Variants in GLIS1 observed in about 807,000 individuals in gnomAD.
GLIS1 encodes the protein zinc finger protein GLIS1.
GLIS1 carries 24 observed loss-of-function variants against 63.8 expected under a neutral mutation model. The observed-to-expected ratio is 0.38, with a 90% CI of 0.27 to 0.53. The LOEUF is 0.53. Ranked by LOEUF, GLIS1 falls within the 20% of genes least tolerant of loss-of-function variation. The pLI is 0.85. For synonymous variants in GLIS1, 450 were observed against 482.5 expected (o/e 0.93, Z 0.88); for missense variants, 1,036 against 1,074.1 (o/e 0.96, Z 0.50).
rs1180773941 is a variant in GLIS1, at chr1:53,511,514, C to T, written c.1884-1487G>A. ...TGTGGGGCCCCCGTCACTGTGAGCT[C>T]GCTGAGGACAGGGGAAGCAGGGCCT... is the stretch of plus-strand genomic sequence containing the variant. On this transcript the variant is annotated intron_variant, in intron 8 of 10. Transcript: ENST00000628545. This position sits in a 1 kb window ranked among gnomAD's most constrained non-coding sequence, Gnocchi z 4.2. 1.3e-5 allele frequency among the ~76,000 whole-genome samples: 2 copies of T among 152,184 alleles called. No homozygotes were observed. Among genetic ancestry groups the T allele is most frequent in the African/African-American group, 2.4e-5 (1 of 41,440 alleles).
intron 4 of GLIS1, among the ~76,000 whole-genome samples, chr1:53,589,386 T>C (rs1192200062): frequency 2.0e-5 from 3 of 152,116 alleles, no homozygotes; most frequent in African/African-American, 7.2e-5. Context: ...GCACCCAGGA[T>C]TTTGTTTCTC....
At chr1:53,711,298 C>T (rs946923848) in intron 2 of GLIS1, among the ~76,000 whole-genome samples, 1 of 152,204 alleles carries the variant, frequency 6.6e-6, no homozygotes. Context: ...TAACCATGTC[C>T]TTGCCCTGCA....
intron 2 of GLIS1, among the ~76,000 whole-genome samples, chr1:53,729,432 T>G (rs1646837278): frequency 6.6e-6 from 1 of 152,060 alleles, no homozygotes; most frequent in Non-Finnish European, 1.5e-5. Context: ...ATTAAAGCCA[T>G]CTGGCTGGGG....
intron 4 of GLIS1, among the ~76,000 whole-genome samples, chr1:53,531,351 G>A (rs1644528664): frequency 1.3e-5 from 2 of 152,230 alleles, no homozygotes; most frequent in African/African-American, 4.8e-5. Flanking sequence ...TAGCAGCCGT[G>A]TTACCCGAGG....
chr1:53,708,471 T>C (rs1247147087), intron 2 of GLIS1, among the ~76,000 whole-genome samples: 1 of 152,162 alleles, frequency 6.6e-6, no homozygotes, highest in African/African-American at 2.4e-5. Flanking sequence ...CCCCTTTTAA[T>C]TGAATTCATA....
At chr1:53,681,019 G>A (rs528969092) in intron 2 of GLIS1, among the ~76,000 whole-genome samples, 1 of 152,362 alleles carries the variant, frequency 6.6e-6, no homozygotes, top group African/African-American at 2.4e-5. Flanking sequence ...CTGGGTCAAT[G>A]TTTCCAGGGC....
rs116097182 is a variant in GLIS1 at position 53,533,428 on chromosome 1, C to T, written c.1321-3476G>A. Among the ~76,000 whole-genome samples the T allele has an allele frequency of 2.0e-3, 309 of 152,332 alleles. 2 individuals carry two copies. The highest frequency in any genetic ancestry group is 7.3e-3 in the African/African-American group (302 of 41,572). On this transcript the variant is annotated intron_variant, in intron 4 of 10. Transcript: ENST00000628545. ...TACCCCAGTGTGCAGAAAGGTACCC[C>T]GATAAGTGCGTGTGCCCTGATGCCT...
chr1:53,638,752 G>C (rs1645754351), intron 2 of GLIS1, among the ~76,000 whole-genome samples: 1 of 152,158 alleles, frequency 6.6e-6, no homozygotes. Flanking sequence ...AACAAGGAGT[G>C]GGGCAGGGGC....
intron 2 of GLIS1, among the ~76,000 whole-genome samples, chr1:53,612,857 C>G (rs1298489700): frequency 2.0e-5 from 3 of 147,262 alleles, no homozygotes; most frequent in Non-Finnish European, 4.5e-5. Flanking sequence ...CTCGCTCTGT[C>G]ACCCAGGCTG....
At chr1:53,583,962 G>C (rs115560365) in intron 4 of GLIS1, among the ~76,000 whole-genome samples, 1,765 of 152,328 alleles carry the variant, frequency 0.012, 14 homozygotes, top group Non-Finnish European at 0.019. Flanking sequence ...AACATGTGCA[G>C]ACACTGTGCC....
At chr1:53,699,364 G>A (rs929625187) in intron 2 of GLIS1, among the ~76,000 whole-genome samples, 1 of 152,080 alleles carries the variant, frequency 6.6e-6, no homozygotes, top group African/African-American at 2.4e-5. Context: ...ATGCCCAGCC[G>A]ATTGTTCTTG....
intron 4 of GLIS1, among the ~76,000 whole-genome samples, chr1:53,567,021 G>A (rs1489193002): frequency 6.6e-6 from 1 of 152,220 alleles, no homozygotes; most frequent in Non-Finnish European, 1.5e-5. Context: ...ACAGGCAGAA[G>A]TTGGAACAAT....
intron 2 of GLIS1, among the ~76,000 whole-genome samples, chr1:53,632,876 G>A (rs1645676473): frequency 6.7e-6 from 1 of 150,324 alleles, no homozygotes; most frequent in African/African-American, 2.5e-5. Context: ...ATGTGTATGA[G>A]TGTGACTGAG....
intron 2 of GLIS1, among the ~76,000 whole-genome samples, chr1:53,615,286 G>C (rs1370825857): frequency 2.0e-5 from 3 of 152,170 alleles, no homozygotes; most frequent in Non-Finnish European, 4.4e-5. Context: ...CGGCTGGCAG[G>C]AGGGCTGTGC....
chr1:53,590,229 A>C (rs1645175128), intron 4 of GLIS1, among the ~76,000 whole-genome samples: 1 of 152,118 alleles, frequency 6.6e-6, no homozygotes, highest in African/African-American at 2.4e-5. Flanking sequence ...TTTACAATCG[A>C]GTATGCTGTA....
intron 2 of GLIS1, among the ~76,000 whole-genome samples, chr1:53,669,297 G>A (rs890670729): frequency 6.6e-6 from 1 of 152,242 alleles, no homozygotes; most frequent in African/African-American, 2.4e-5. Context: ...GCACCCACAG[G>A]AAGGGGGTGG....
chr1:53,685,902 G>A (rs1258971920), intron 2 of GLIS1, among the ~76,000 whole-genome samples: 3 of 152,126 alleles, frequency 2.0e-5, no homozygotes, highest in Non-Finnish European at 4.4e-5. Context: ...GCTCCCTGCT[G>A]AGCCCTCCAG....
intron 2 of GLIS1, among the ~76,000 whole-genome samples, chr1:53,653,507 C>A (rs968897728): frequency 1.3e-5 from 2 of 152,178 alleles, no homozygotes; most frequent in Non-Finnish European, 2.9e-5. Flanking sequence ...TCTCTTTCTG[C>A]AAGTCTCTAA....
At chr1:53,677,518 C>G (rs1264008388) in intron 2 of GLIS1, among the ~76,000 whole-genome samples, 1 of 152,242 alleles carries the variant, frequency 6.6e-6, no homozygotes, top group Non-Finnish European at 1.5e-5. Context: ...GAACGCCAGA[C>G]AGACAGCCAG....
Sources: gnomAD v4.1 joint callset for allele counts (sites outside exome capture counted in the v4.1 genomes callset) on GRCh38, gnomAD v4.1.1 for gene constraint, Gnocchi (gnomAD v3.1) non-coding constraint, MANE v1.5 for transcripts, NCBI Gene and HGNC (gene_info 2026-07-23, HGNC 2026-07-21) for gene names.